The following MYO3B variants were observed in gnomAD, a reference collection of about 807,000 sequenced individuals.
The protein encoded by MYO3B is myosin IIIB, also known as myosin-IIIb.
In MYO3B, 156 loss-of-function variants were observed where a neutral mutation model predicts 174.6. That is an observed-to-expected ratio of 0.89 (90% CI 0.78 to 1.02). The LOEUF (loss-of-function observed/expected upper bound fraction) is 1.02, where lower values mean the gene tolerates loss of function less well. Ranked by LOEUF, MYO3B falls within the 50% of genes least tolerant of loss-of-function variation. The pLI is 0.00. For synonymous variants in MYO3B, 563 were observed against 569.1 expected (o/e 0.99, Z 0.15); for missense variants, 1,632 against 1,639.4 (o/e 1.00, Z 0.08).
intron 11 of MYO3B, 91 bp downstream of exon 11, chr2:170,383,280 T>A (rs1454816729): frequency 2.5e-6 from 2 of 798,482 alleles, no homozygotes; most frequent in Non-Finnish European, 4.3e-6. Flanking sequence ...AGAATAAAAT[T>A]ATGCTACCCT....
At chr2:170,440,884 C>A (rs1162912119) in intron 22 of MYO3B, among the ~76,000 whole-genome samples, 1 of 146,394 alleles carries the variant, frequency 6.8e-6, no homozygotes, top group East Asian at 2.1e-4. Context: ...TCACTGCAAC[C>A]TCCGCCTCCT....
At chr2:170,477,306 C>T (rs1167507882) in intron 25 of MYO3B, among the ~76,000 whole-genome samples, 1 of 152,154 alleles carries the variant, frequency 6.6e-6, no homozygotes, top group Admixed American at 6.5e-5. Context: ...TGCCTGGACT[C>T]TGCCAAACTA....
intron 32 of MYO3B, among the ~76,000 whole-genome samples, chr2:170,618,050 G>A (rs750394478): frequency 4.6e-5 from 7 of 152,128 alleles, no homozygotes; most frequent in Non-Finnish European, 1.0e-4. Context: ...GTGACCAGAC[G>A]GTAGTGTGAC....
rs71399532 is a variant in MYO3B, at chr2:170,399,242, C to CAAAAA, written c.1792-926_1792-922dup. Among the ~76,000 whole-genome samples, 10 of 15,616 alleles carry CAAAAA rather than the reference C, an allele frequency of 6.4e-4. 1 individual carries two copies. The highest frequency in any genetic ancestry group is 1.2e-3 in the Non-Finnish European group (9 of 7,470). 10.2% of individuals were successfully genotyped at this position (15,616 alleles called of 152,430 possible). A position where few individuals can be genotyped will look rare whatever the true frequency, so the allele number is the denominator to read the frequency against. The stretch of plus-strand genomic sequence containing the variant: ...GGGCAACAAGAGCGAAATTCCGTCT[C>CAAAAA]AAAAAAAAAAAAAAAAAAAAAAAAG... On this transcript the variant is annotated intron_variant, in intron 16 of 34. Transcript: ENST00000408978.
At chr2:170,555,580 G>A (rs549229798) in intron 32 of MYO3B, among the ~76,000 whole-genome samples, 4 of 152,132 alleles carry the variant, frequency 2.6e-5, no homozygotes, top group African/African-American at 9.6e-5. Flanking sequence ...TTAGCAATAT[G>A]TACTTAAGAG....
intron 18 of MYO3B, 101 bp downstream of exon 18, chr2:170,401,792 C>CTTTCTT (rs1558964950): frequency 1.9e-5 from 15 of 802,924 alleles, no homozygotes; most frequent in Non-Finnish European, 2.4e-5. Flanking sequence ...CTGGGATTTT[C>CTTTCTT]TTTCTTTTTC....
chr2:170,527,183 T>G (rs188461327), intron 30 of MYO3B, among the ~76,000 whole-genome samples: 3 of 152,136 alleles, frequency 2.0e-5, no homozygotes, highest in Admixed American at 6.5e-5. Context: ...AGGCAGGATA[T>G]GCAGAGCCAT....
rs145435033 is a variant in MYO3B at position 170,312,327 on chromosome 2, G to C, written c.750-23058G>C. On this transcript the variant is annotated intron_variant, in intron 7 of 34. Transcript: ENST00000408978. The stretch of plus-strand genomic sequence containing the variant: ...TGAGCATCCTTCTCTGACTCATCCA[G>C]ACAGCGTTTACTTAATGGTCCATTT... Among the ~76,000 whole-genome samples, 145 of 152,366 alleles carry C rather than the reference G, an allele frequency of 9.5e-4. 1 individual carries two copies. The highest frequency in any genetic ancestry group is 1.6e-3 in the Non-Finnish European group (109 of 68,038).
At chr2:170,522,498 C>T (rs991605099) in intron 30 of MYO3B, among the ~76,000 whole-genome samples, 2 of 152,228 alleles carry the variant, frequency 1.3e-5, no homozygotes, top group African/African-American at 2.4e-5. Context: ...TCTGTCTTTA[C>T]AGTCCAGCTT....
intron 6 of MYO3B, among the ~76,000 whole-genome samples, chr2:170,219,014 C>G (rs1277403533): frequency 1.3e-5 from 2 of 152,202 alleles, no homozygotes; most frequent in Non-Finnish European, 2.9e-5. Context: ...TAGTGAACAG[C>G]AGGTGACTCT....
At chr2:170,252,110 A>G (rs938200375) in intron 7 of MYO3B, among the ~76,000 whole-genome samples, 1 of 152,220 alleles carries the variant, frequency 6.6e-6, no homozygotes, top group African/African-American at 2.4e-5. Flanking sequence ...AATGGGAAAT[A>G]TGTTGCATCT....
chr2:170,652,035 C>T lies in MYO3B; in HGVS notation c.3841-73C>T, dbSNP rs142847048. The T allele has an allele frequency of 1.7e-3, 2,517 of 1,509,702 alleles. 45 individuals carry two copies. In the African/African-American group the frequency reaches 0.032, roughly 19 times the overall value. The allele number at this position is 1,509,702 out of a possible 1,614,324, so 93.5% of individuals were successfully genotyped here. A position where few individuals can be genotyped will look rare whatever the true frequency, so the allele number is the denominator to read the frequency against. Reference sequence around the variant, plus strand: ...TATCAGCATCTGCTTGCATTCAACACAAAATCACTTTGAATTAAAAATTAA... The same window carrying T: ...TATCAGCATCTGCTTGCATTCAACATAAAATCACTTTGAATTAAAAATTAA... On this transcript the variant is annotated intron_variant, in intron 33 of 34. Transcript: ENST00000408978.
At chr2:170,513,377 G>T (rs533275816) in intron 28 of MYO3B, among the ~76,000 whole-genome samples, 1 of 152,314 alleles carries the variant, frequency 6.6e-6, no homozygotes, top group South Asian at 2.1e-4. Flanking sequence ...TCTCCTGTTG[G>T]TTCCTGGCAA....
chr2:170,400,420 T>TA (rs1553482692), intron 17 of MYO3B, 106 bp downstream of exon 17: 280,886 of 1,192,454 alleles, frequency 0.24, 14,263 homozygotes, highest in Non-Finnish European at 0.26. Context: ...TTTTTTTTTT[T>TA]ATCGAGATGG....
chr2:170,383,025 C>A, intron 10 of MYO3B, 48 bp from the exon 11 acceptor site: 1 of 1,203,790 alleles, frequency 8.3e-7, no homozygotes, highest in South Asian at 1.3e-5. Context: ...GAATCTATCC[C>A]TTGACTGGGA....
Position 170,354,480 on chromosome 2 carries a change from C to T in MYO3B, c.816-14742C>T, listed in dbSNP as rs545858937. ...CTCAGGACACACCATAATACCAGGG[C>T]GGGGAAACAGCAGGTCCCCTGGGGA... On this transcript the variant is annotated intron_variant, in intron 8 of 34. Coordinates refer to ENST00000408978, the MANE Select transcript of MYO3B (RefSeq NM_138995.5). Among the ~76,000 whole-genome samples the T allele has an allele frequency of 2.8e-4, 42 of 152,214 alleles. No homozygotes were observed. In the South Asian group the frequency reaches 5.2e-3, roughly 19 times the overall value.
intron 22 of MYO3B, among the ~76,000 whole-genome samples, chr2:170,427,199 T>C (rs1387864901): frequency 3.9e-5 from 6 of 152,218 alleles, no homozygotes; most frequent in Non-Finnish European, 8.8e-5. Flanking sequence ...AGTGTAGAGT[T>C]GTGATGCTTG....
At chr2:170,521,737 G>T (rs1472923098) in intron 30 of MYO3B, among the ~76,000 whole-genome samples, 2 of 151,906 alleles carry the variant, frequency 1.3e-5, no homozygotes, top group Non-Finnish European at 2.9e-5. Flanking sequence ...AAAAAAGCCT[G>T]CCCTTGGCCT....
rs1363447181 is a variant in MYO3B, at chr2:170,497,946, A to AG, written c.3015-645dup. ...GGCAACAAGAGTGAAATTCTGCCTC[A>AG]GAAAAAAAAAAAAAAAAAAAAAAAA... is the stretch of plus-strand genomic sequence containing the variant. On this transcript the variant is annotated intron_variant, in intron 25 of 34. Coordinates refer to ENST00000408978, the MANE Select transcript of MYO3B (RefSeq NM_138995.5). 2.5e-3 allele frequency among the ~76,000 whole-genome samples: 46 copies of AG among 18,514 alleles called. 1 individual carries two copies. The highest frequency in any genetic ancestry group is 4.8e-3 in the African/African-American group (45 of 9,306). The allele number at this position is 18,514 out of a possible 152,430, so 12.1% of individuals were successfully genotyped here.
Sources: allele counts gnomAD v4.1 joint callset (sites outside exome capture counted in the v4.1 genomes callset), GRCh38; gene constraint gnomAD v4.1.1; transcripts MANE v1.5; gene names NCBI Gene and HGNC (gene_info 2026-07-23, HGNC 2026-07-21).